The following TMEM272 variants were observed in gnomAD, a reference collection of about 807,000 sequenced individuals.
TMEM272 encodes long intergenic non-protein coding RNA 282.
In TMEM272, 8 loss-of-function variants were observed where a neutral mutation model predicts 3.7. That is an observed-to-expected ratio of 2.17 (90% CI 1.27 to 3.91). TMEM272 has a LOEUF of 3.91. Ranked by LOEUF, TMEM272 falls within the 30% of genes most tolerant of loss-of-function variation. The pLI is 0.00. For synonymous variants in TMEM272, 63 were observed against 39.8 expected, an observed-to-expected ratio of 1.58 and a Z score of -2.20; for missense variants, 166 against 91.5, an observed-to-expected ratio of 1.81 and a Z score of -3.32.
the TMEM272 span, chr13:51,910,377 A>C: frequency 4.6e-5 from 49 of 1,076,552 alleles, no homozygotes; most frequent in Non-Finnish European, 7.1e-5. Context: ...TAGTCCAGAA[A>C]GCGCTATAGC....
chr13:51,840,877 A>T (rs1432485375), intron 1 of TMEM272, among the ~76,000 whole-genome samples: 1 of 152,186 alleles, frequency 6.6e-6, no homozygotes, highest in Non-Finnish European at 1.5e-5. Flanking sequence ...CTCCTTCCAC[A>T]TCCTTTGACT....
At chr13:51,879,630 C>T in the TMEM272 span, among the ~76,000 whole-genome samples, 1 of 152,152 alleles carries the variant, frequency 6.6e-6, no homozygotes, top group African/African-American at 2.4e-5. Context: ...AAAACGTGTC[C>T]TTTACCTTCT....
the TMEM272 span, among the ~76,000 whole-genome samples, chr13:51,928,495 C>T: frequency 2.0e-5 from 3 of 152,208 alleles, no homozygotes; most frequent in East Asian, 1.9e-4. Flanking sequence ...CTGCACTCAA[C>T]TGCGAAGAGG....
the TMEM272 span, among the ~76,000 whole-genome samples, chr13:51,879,751 C>T: frequency 1.3e-5 from 2 of 152,172 alleles, no homozygotes; most frequent in South Asian, 2.1e-4. Flanking sequence ...AAACGGGCAT[C>T]GTCCTCAAAG....
chr13:51,814,397 C>G lies in TMEM272; in HGVS notation c.*2354G>C, dbSNP rs1250584534. 1 of 152,230 alleles carries G rather than the reference C, an allele frequency of 6.6e-6. No homozygotes were observed. Among genetic ancestry groups the G allele is most frequent in the African/African-American group, 2.4e-5 (1 of 41,460 alleles). 9.4% of individuals were successfully genotyped at this position (152,230 alleles called of 1,614,324 possible). A position where few individuals can be genotyped will look rare whatever the true frequency, so the allele number is the denominator to read the frequency against. ...TCACCCACTGAACCATTCAGTGTCC[C>G]CTCTATGAATGGATGCACATGAACA... On this transcript the variant is annotated 3_prime_UTR_variant, in exon 5 of 5. Transcript: ENST00000629372.
the TMEM272 span, among the ~76,000 whole-genome samples, chr13:51,894,854 A>G: frequency 1.3e-5 from 2 of 152,086 alleles, no homozygotes; most frequent in Middle Eastern, 3.4e-3. Flanking sequence ...ACAACTCACC[A>G]TGATGTAGAA....
the TMEM272 span, among the ~76,000 whole-genome samples, chr13:51,892,082 A>T: frequency 6.6e-6 from 1 of 152,160 alleles, no homozygotes; most frequent in Admixed American, 6.5e-5. Flanking sequence ...AGGTGGGGAA[A>T]CAGGGCTCAG....
At chr13:51,879,727 C>A in the TMEM272 span, among the ~76,000 whole-genome samples, 5 of 152,170 alleles carry the variant, frequency 3.3e-5, no homozygotes, top group African/African-American at 1.2e-4. Flanking sequence ...ACCAAGCATA[C>A]AACGGTGACT....
chr13:51,923,745 G>C, the TMEM272 span, among the ~76,000 whole-genome samples: 2 of 150,544 alleles, frequency 1.3e-5, no homozygotes, highest in Admixed American at 1.3e-4. Context: ...AGGAAGGGGA[G>C]GGGAGGGGAA....
chr13:51,866,153 T>C, the TMEM272 span: 3 of 1,255,364 alleles, frequency 2.4e-6, no homozygotes, highest in Non-Finnish European at 3.3e-6. Context: ...TGAGCCCATG[T>C]GCTGGAGAAA....
chr13:51,849,015 G>T (rs1246075960), upstream of TMEM272, among the ~76,000 whole-genome samples: 1 of 152,052 alleles, frequency 6.6e-6, no homozygotes, highest in East Asian at 1.9e-4. Flanking sequence ...AAAACCTTCA[G>T]GGTCCCTCAC....
At chr13:51,902,765 C>T in the TMEM272 span, among the ~76,000 whole-genome samples, 10 of 152,284 alleles carry the variant, frequency 6.6e-5, no homozygotes, top group Non-Finnish European at 5.9e-5. Flanking sequence ...ATCTCTGACA[C>T]ACACAGACTG....
At chr13:51,927,306 G>A in the TMEM272 span, among the ~76,000 whole-genome samples, 1 of 152,090 alleles carries the variant, frequency 6.6e-6, no homozygotes. Flanking sequence ...AAATTCACAC[G>A]ATGCCACGGC....
intron 2 of TMEM272, among the ~76,000 whole-genome samples, chr13:51,832,473 C>A (rs1221961131): frequency 6.6e-6 from 1 of 152,210 alleles, no homozygotes; most frequent in Non-Finnish European, 1.5e-5. Flanking sequence ...TCCTTCGGGG[C>A]TCCACTGAGC....
the TMEM272 span, among the ~76,000 whole-genome samples, chr13:51,905,204 G>A: frequency 6.6e-6 from 1 of 152,218 alleles, no homozygotes; most frequent in African/African-American, 2.4e-5. Flanking sequence ...AGTTCGTGCA[G>A]GGAGAGAGAC....
chr13:51,836,600 T>C (rs915730132), intron 2 of TMEM272, among the ~76,000 whole-genome samples: 2 of 152,234 alleles, frequency 1.3e-5, no homozygotes, highest in South Asian at 4.1e-4. Context: ...ACTGGTAATG[T>C]TCACTTTAAA....
At chr13:51,858,102 T>A in the TMEM272 span, among the ~76,000 whole-genome samples, 7 of 152,080 alleles carry the variant, frequency 4.6e-5, no homozygotes, top group African/African-American at 1.7e-4. Context: ...AGCCTCAAAG[T>A]ATATAAAACA....
the TMEM272 span, among the ~76,000 whole-genome samples, chr13:51,925,521 TAC>T: frequency 2.0e-4 from 30 of 151,926 alleles, no homozygotes; most frequent in Non-Finnish European, 1.5e-4. Flanking sequence ...ACATCACACA[TAC>T]ACACACACCC....
intron 3 of TMEM272, among the ~76,000 whole-genome samples, chr13:51,822,368 C>T (rs541399964): frequency 2.0e-5 from 3 of 152,302 alleles, no homozygotes; most frequent in East Asian, 3.9e-4. Context: ...GCAGACAGGG[C>T]AGGGACCAGG....
Sources: gnomAD v4.1 joint callset for allele counts (sites outside exome capture counted in the v4.1 genomes callset) on GRCh38, gnomAD v4.1.1 for gene constraint, MANE v1.5 for transcripts, NCBI Gene and HGNC (gene_info 2026-07-23, HGNC 2026-07-21) for gene names.